Variants in MAML2 observed in about 807,000 individuals in gnomAD.
MAML2 encodes mastermind-like protein 2.
MAML2 carries 22 observed loss-of-function variants against 96.1 expected under a neutral mutation model. The observed-to-expected ratio is 0.23, with a 90% CI of 0.16 to 0.33. The LOEUF (loss-of-function observed/expected upper bound fraction) is 0.33. MAML2 is among the 10% of genes least tolerant of loss of function. The pLI is 1.00. For synonymous variants in MAML2, 561 were observed against 521.3 expected (o/e 1.08, Z -1.04); for missense variants, 1,367 against 1,392.4 (o/e 0.98, Z 0.29).
chr11:96,099,228 A>G (rs909332117), intron 1 of MAML2, among the ~76,000 whole-genome samples: 1 of 152,184 alleles, frequency 6.6e-6, no homozygotes, highest in African/African-American at 2.4e-5. Context: ...GGGATAGATA[A>G]CATTAGAAAG....
intron 2 of MAML2, among the ~76,000 whole-genome samples, chr11:96,071,224 G>C (rs1859340185): frequency 6.6e-6 from 1 of 152,270 alleles, no homozygotes; most frequent in South Asian, 2.1e-4. Flanking sequence ...AAGAACTGTA[G>C]AGTCTGGTAT....
intron 1 of MAML2, among the ~76,000 whole-genome samples, chr11:96,118,737 A>C (rs1860286655): frequency 6.6e-6 from 1 of 152,232 alleles, no homozygotes; most frequent in Non-Finnish European, 1.5e-5. Flanking sequence ...GGAAAGGAAC[A>C]GAATAAGTCA....
intron 1 of MAML2, among the ~76,000 whole-genome samples, chr11:96,288,929 T>C (rs11021518): frequency 6.6e-5 from 10 of 152,204 alleles, no homozygotes; most frequent in Non-Finnish European, 1.5e-4. Flanking sequence ...ATTTTTAATA[T>C]GTATGCTCTG....
intron 1 of MAML2, among the ~76,000 whole-genome samples, chr11:96,192,426 G>A (rs937841985): frequency 6.6e-6 from 1 of 152,160 alleles, no homozygotes; most frequent in African/African-American, 2.4e-5. Context: ...GGTGCAGAAT[G>A]CTAGGTCAGG....
intron 1 of MAML2, among the ~76,000 whole-genome samples, chr11:96,105,828 G>C (rs116183994): frequency 6.6e-6 from 1 of 151,396 alleles, no homozygotes; most frequent in Non-Finnish European, 1.5e-5. Flanking sequence ...TGCCTAACTA[G>C]CTCTATGAAA....
intron 2 of MAML2, among the ~76,000 whole-genome samples, chr11:96,011,486 ATG>A (rs1590960717): frequency 1.3e-5 from 2 of 152,292 alleles, no homozygotes; most frequent in African/African-American, 4.8e-5. Flanking sequence ...CAAATACCAT[ATG>A]TTCTCACTTA....
chr11:96,243,366 A>G (rs1167268658), intron 1 of MAML2, among the ~76,000 whole-genome samples: 3 of 152,170 alleles, frequency 2.0e-5, no homozygotes, highest in Admixed American at 2.0e-4. Context: ...CACTCCTTAA[A>G]CGGCAGGCAC....
In MAML2 at chr11:96,168,599, G is replaced by A. The variant is rs568643162; in HGVS notation, c.514-75082C>T. Among the ~76,000 whole-genome samples, 4 of 152,122 alleles carry A rather than the reference G, an allele frequency of 2.6e-5. No homozygotes were observed. The South Asian group carries it at 8.3e-4, about 32-fold the overall frequency. On this transcript the variant is annotated intron_variant, in intron 1 of 4. Transcript: ENST00000524717. ...TCTAATGAGCCCCCTGTGGATGGAGGGTTGTTGGATCACATTTTGAAAAAT... is the reference window on the plus strand; with the variant it reads ...TCTAATGAGCCCCCTGTGGATGGAGAGTTGTTGGATCACATTTTGAAAAAT...
chr11:96,202,754 G>A (rs1381653884), intron 1 of MAML2, among the ~76,000 whole-genome samples: 4 of 151,800 alleles, frequency 2.6e-5, no homozygotes, highest in East Asian at 2.0e-4. Flanking sequence ...TTAGCCTCCC[G>A]AGTAGCTGGG....
At position 95,979,189 on chromosome 11, in the gene MAML2, T is replaced by C. The variant is rs1404132695; in HGVS notation, c.3230A>G (p.Asn1077Ser). 6.2e-7 allele frequency: 1 copy of C among 1,614,020 alleles called. No individual in the cohort carries two copies. The highest frequency in any genetic ancestry group is 1.1e-5 in the South Asian group (1 of 91,086). The change falls in exon 5 of 5, where the codon AAC (asparagine) becomes AGC (serine). Residue 1077 changes from asparagine to serine, a missense_variant. Coordinates refer to ENST00000524717, the MANE Select transcript of MAML2 (RefSeq NM_032427.4). Reference sequence around the variant, plus strand: ...GCTGGGCGTCAGGGATGGTGGCTGGTTGATGCCCGTCCTCGACTGATTCAA... The same window carrying C: ...GCTGGGCGTCAGGGATGGTGGCTGGCTGATGCCCGTCCTCGACTGATTCAA... ...TGLNQSRTGI[N>S]QPPSLTPSNF... is the part of the protein sequence containing the mutation.
chr11:96,020,476 T>C (rs1487088806), intron 2 of MAML2, among the ~76,000 whole-genome samples: 3 of 152,244 alleles, frequency 2.0e-5, no homozygotes, highest in Non-Finnish European at 4.4e-5. Context: ...CAAACTTTAA[T>C]GTGCATATGA....
intron 1 of MAML2, among the ~76,000 whole-genome samples, chr11:96,227,747 A>G (rs189836989): frequency 9.9e-4 from 151 of 152,360 alleles, no homozygotes; most frequent in African/African-American, 3.4e-3. Flanking sequence ...CTGGCAGAGA[A>G]CAAGTGTTTA....
intron 1 of MAML2, among the ~76,000 whole-genome samples, chr11:96,305,127 T>G (rs1414013269): frequency 6.6e-6 from 1 of 152,210 alleles, no homozygotes; most frequent in Non-Finnish European, 1.5e-5. Flanking sequence ...AGTGTAATAT[T>G]TTAAAATTAA....
At chr11:96,146,277 G>A (rs1404754918) in intron 1 of MAML2, among the ~76,000 whole-genome samples, 2 of 152,162 alleles carry the variant, frequency 1.3e-5, no homozygotes, top group Non-Finnish European at 2.9e-5. Flanking sequence ...CATCTCTTGG[G>A]ATCCTTGAGC....
At chr11:96,132,728 A>G (rs578232743) in intron 1 of MAML2, among the ~76,000 whole-genome samples, 22 of 152,334 alleles carry the variant, frequency 1.4e-4, no homozygotes, top group African/African-American at 4.8e-4. Context: ...ATATCTAACA[A>G]GTAACTTACC....
At chr11:96,118,767 C>A (rs1860287512) in intron 1 of MAML2, among the ~76,000 whole-genome samples, 1 of 152,136 alleles carries the variant, frequency 6.6e-6, no homozygotes, top group Admixed American at 6.5e-5. Flanking sequence ...GCAAAAAAAT[C>A]TCCTGCCTCT....
intron 2 of MAML2, among the ~76,000 whole-genome samples, chr11:96,081,815 G>A (rs1369129524): frequency 2.0e-5 from 3 of 152,216 alleles, no homozygotes; most frequent in Non-Finnish European, 4.4e-5. Context: ...AGATGACACA[G>A]CTTAGTTTCA....
At chr11:96,036,811 T>G (rs1858720721) in intron 2 of MAML2, among the ~76,000 whole-genome samples, 1 of 152,180 alleles carries the variant, frequency 6.6e-6, no homozygotes, top group Non-Finnish European at 1.5e-5. Flanking sequence ...GACAGTATAT[T>G]TCTAATTTCC....
intron 1 of MAML2, among the ~76,000 whole-genome samples, chr11:96,152,372 C>T (rs1376164549): frequency 6.6e-6 from 1 of 151,628 alleles, no homozygotes; most frequent in African/African-American, 2.4e-5. Context: ...ACTACTACAG[C>T]TATTAAAAAT....
Sources: gnomAD v4.1 joint callset for allele counts (sites outside exome capture counted in the v4.1 genomes callset) on GRCh38, gnomAD v4.1.1 for gene constraint, MANE v1.5 for transcripts, NCBI Gene and HGNC (gene_info 2026-07-23, HGNC 2026-07-21) for gene names.